CADPS2: variants seen among roughly 807,000 people sequenced by gnomAD.
CADPS2 encodes calcium-dependent secretion activator 2.
CADPS2 carries 93 observed loss-of-function variants against 172.5 expected under a neutral mutation model. That is an observed-to-expected ratio of 0.54 (90% confidence interval 0.46 to 0.64). CADPS2 has a LOEUF of 0.64. Ranked by LOEUF, CADPS2 falls within the 30% of genes least tolerant of loss-of-function variation. CADPS2 has a pLI of 0.00. For missense variants in CADPS2, 1,420 were observed against 1,565.9 expected, an observed-to-expected ratio of 0.91 and a Z score of 1.57; for synonymous variants, 546 against 555.2, an observed-to-expected ratio of 0.98 and a Z score of 0.23.
At chr7:122,792,061 G>C (rs1245030471) in intron 1 of CADPS2, among the ~76,000 whole-genome samples, 1 of 152,178 alleles carries the variant, frequency 6.6e-6, no homozygotes, top group Non-Finnish European at 1.5e-5. Context: ...GGCAAACTCA[G>C]TATTGCCAAT....
At chr7:122,814,938 C>T (rs1475426284) in intron 1 of CADPS2, among the ~76,000 whole-genome samples, 1 of 152,088 alleles carries the variant, frequency 6.6e-6, no homozygotes, top group Non-Finnish European at 1.5e-5. Context: ...GATTCAGGCT[C>T]TGTTTACTAT....
At chr7:122,734,171 T>G (rs923457094) in intron 2 of CADPS2, among the ~76,000 whole-genome samples, 1 of 150,944 alleles carries the variant, frequency 6.6e-6, no homozygotes, top group Non-Finnish European at 1.5e-5. Flanking sequence ...TCACTTAACT[T>G]CATGAGTAAG....
rs1320748404 is a variant in CADPS2 at position 122,480,167 on chromosome 7, A to T, written c.1861+685T>A. ...CCTTCAGCTCACTCTCTTCCCTTAG[A>T]ATTTTTATATATCCAGAGAGTCAAA... On this transcript the variant is annotated intron_variant, in intron 12 of 29. Transcript: ENST00000449022. 1.1e-5 allele frequency: 5 copies of T among 468,152 alleles called. No individual in the cohort carries two copies. In the East Asian group the frequency reaches 2.1e-4, roughly 20 times the overall value. 29.0% of individuals were successfully genotyped at this position (468,152 alleles called of 1,614,324 possible).
intron 15 of CADPS2, among the ~76,000 whole-genome samples, chr7:122,443,779 A>G (rs1001645013): frequency 1.1e-4 from 16 of 147,634 alleles, no homozygotes; most frequent in African/African-American, 3.2e-4. Context: ...TAAACTTTAT[A>G]TCCTTCAATT....
intron 6 of CADPS2, among the ~76,000 whole-genome samples, chr7:122,597,784 G>C (rs1366252805): frequency 6.6e-6 from 1 of 152,064 alleles, no homozygotes; most frequent in African/African-American, 2.4e-5. Context: ...TATCTGATAT[G>C]CTTTGGGAGA....
intron 7 of CADPS2, among the ~76,000 whole-genome samples, chr7:122,568,225 C>G (rs972454815): frequency 6.6e-6 from 1 of 151,874 alleles, no homozygotes; most frequent in Non-Finnish European, 1.5e-5. Context: ...ACGGCAAAAC[C>G]CCATCTCTAC....
At chr7:122,525,851 C>A (rs908600741) in intron 8 of CADPS2, among the ~76,000 whole-genome samples, 1 of 152,128 alleles carries the variant, frequency 6.6e-6, no homozygotes, top group Non-Finnish European at 1.5e-5. Flanking sequence ...TAAACCTGTA[C>A]AGCTTGTGAC....
At chr7:122,559,397 C>CTCT (rs2065433168) in intron 7 of CADPS2, among the ~76,000 whole-genome samples, 1 of 152,116 alleles carries the variant, frequency 6.6e-6, no homozygotes, top group Non-Finnish European at 1.5e-5. Flanking sequence ...GTTTCCACCG[C>CTCT]TCTCCACGAA....
intron 9 of CADPS2, among the ~76,000 whole-genome samples, chr7:122,506,450 G>A (rs957439287): frequency 1.3e-5 from 2 of 152,160 alleles, no homozygotes; most frequent in African/African-American, 4.8e-5. Context: ...AGTTGCTGTA[G>A]TACCACAAGG....
chr7:122,815,953 T>C (rs1801250959), intron 1 of CADPS2, among the ~76,000 whole-genome samples: 1 of 152,212 alleles, frequency 6.6e-6, no homozygotes, highest in African/African-American at 2.4e-5. Flanking sequence ...AAGCATACAA[T>C]GTTAATTATC....
At chr7:122,811,344 T>C (rs1799982136) in intron 1 of CADPS2, among the ~76,000 whole-genome samples, 1 of 152,212 alleles carries the variant, frequency 6.6e-6, no homozygotes, top group South Asian at 2.1e-4. Flanking sequence ...TTTCTGTCCC[T>C]ATTTCCTAAT....
At chr7:122,700,492 G>A (rs1014870794) in intron 2 of CADPS2, among the ~76,000 whole-genome samples, 6 of 152,134 alleles carry the variant, frequency 3.9e-5, no homozygotes, top group African/African-American at 1.4e-4. Context: ...TATATGGTGT[G>A]TATATTCACA....
rs554436228 is a variant in CADPS2 at position 122,694,833 on chromosome 7, T to C, written c.454-31264A>G. ...TACAAAAACAGGTGTTCATGGTAAA[T>C]GATGGAATGGGAGAATGGAACTGGC... On this transcript the variant is annotated intron_variant, in intron 2 of 29. Coordinates refer to ENST00000449022, the MANE Select transcript of CADPS2 (RefSeq NM_017954.11). Among the ~76,000 whole-genome samples, 123 of 152,226 alleles carry C rather than the reference T, an allele frequency of 8.1e-4. 1 individual carries two copies. Among genetic ancestry groups the C allele is most frequent in the Non-Finnish European group, 1.5e-3 (100 of 68,006 alleles).
chr7:122,877,660 A>G (rs1003554819), intron 1 of CADPS2, among the ~76,000 whole-genome samples: 6 of 152,324 alleles, frequency 3.9e-5, no homozygotes, highest in Non-Finnish European at 5.9e-5. Context: ...CAAGAGATCT[A>G]TATGATGAAA....
At chr7:122,532,631 G>A (rs1019070202) in intron 8 of CADPS2, among the ~76,000 whole-genome samples, 2 of 146,346 alleles carry the variant, frequency 1.4e-5, no homozygotes, top group Non-Finnish European at 3.0e-5. Context: ...AGGTGATGCT[G>A]ACGCTGCTGG....
intron 20 of CADPS2, among the ~76,000 whole-genome samples, chr7:122,406,622 G>A (rs2046674905): frequency 6.6e-6 from 1 of 152,148 alleles, no homozygotes; most frequent in Admixed American, 6.5e-5. Flanking sequence ...GAATGGCAAT[G>A]GGCACGAAAA....
chr7:122,649,787 C>T (rs2078940901), intron 3 of CADPS2, among the ~76,000 whole-genome samples: 1 of 151,332 alleles, frequency 6.6e-6, no homozygotes. Flanking sequence ...CAATTTTATA[C>T]ATCTGTCTAC....
At chr7:122,597,391 T>C (rs552180140) in intron 6 of CADPS2, among the ~76,000 whole-genome samples, 2 of 152,244 alleles carry the variant, frequency 1.3e-5, no homozygotes, top group Non-Finnish European at 2.9e-5. Context: ...ACTGCTGCTA[T>C]GGTCTGAATG....
At chr7:122,730,154 A>G (rs1293037460) in intron 2 of CADPS2, among the ~76,000 whole-genome samples, 2 of 151,822 alleles carry the variant, frequency 1.3e-5, no homozygotes, top group African/African-American at 4.8e-5. Flanking sequence ...AATCAGTATT[A>G]AGAAAATGAA....
Sources: gnomAD v4.1 joint callset for allele counts (sites outside exome capture counted in the v4.1 genomes callset) on GRCh38, gnomAD v4.1.1 for gene constraint, MANE v1.5 for transcripts, NCBI Gene and HGNC (gene_info 2026-07-23, HGNC 2026-07-21) for gene names.